The following PDE10A variants were observed in gnomAD, a reference collection of about 807,000 sequenced individuals.
PDE10A encodes the protein phosphodiesterase 10A.
Under a neutral mutation model 97.7 loss-of-function variants are expected in PDE10A, and 39 were observed. The observed-to-expected ratio is 0.40, with a 90% CI of 0.31 to 0.52. The LOEUF (loss-of-function observed/expected upper bound fraction) is 0.52. Among genes scored for constraint, PDE10A ranks in the 20% least tolerant of loss-of-function variants. The pLI is 0.56. For missense variants in PDE10A, 731 were observed against 1,047.8 expected, an observed-to-expected ratio of 0.70 and a Z score of 4.17; for synonymous variants, 371 against 376.8, an observed-to-expected ratio of 0.98 and a Z score of 0.18.
intron 1 of PDE10A, among the ~76,000 whole-genome samples, chr6:165,956,954 G>T (rs905411034): frequency 1.3e-5 from 2 of 152,208 alleles, no homozygotes; most frequent in African/African-American, 4.8e-5. Context: ...CCAGCCCAGG[G>T]GTTGATGGAT....
chr6:165,506,795 T>C (rs549220440), intron 2 of PDE10A, among the ~76,000 whole-genome samples: 3 of 152,296 alleles, frequency 2.0e-5, no homozygotes, highest in African/African-American at 7.2e-5. Flanking sequence ...GCACCAGCTA[T>C]AAATAACACA....
At chr6:165,765,450 C>G (rs1002876202) in intron 1 of PDE10A, among the ~76,000 whole-genome samples, 2 of 152,270 alleles carry the variant, frequency 1.3e-5, no homozygotes, top group Admixed American at 6.5e-5. Flanking sequence ...AGCTAAGGCC[C>G]GGCGAGAAAT....
intron 1 of PDE10A, among the ~76,000 whole-genome samples, chr6:165,720,844 A>T (rs544521917): frequency 6.6e-6 from 1 of 152,312 alleles, no homozygotes; most frequent in South Asian, 2.1e-4. Context: ...TCTCCACTCT[A>T]TGTGGCTCTG....
intron 2 of PDE10A, among the ~76,000 whole-genome samples, chr6:165,537,977 C>A (rs966726436): frequency 6.6e-6 from 1 of 151,882 alleles, no homozygotes; most frequent in African/African-American, 2.4e-5. Flanking sequence ...CCTTCCAACA[C>A]CGAATGTTTT....
At chr6:165,351,362 G>T (rs2128186668) in intron 18 of PDE10A, among the ~76,000 whole-genome samples, 1 of 152,238 alleles carries the variant, frequency 6.6e-6, no homozygotes, top group South Asian at 2.1e-4. Context: ...AGTGTCAGAA[G>T]ATTAGGACTT....
chr6:165,711,465 TG>T lies in PDE10A; in HGVS notation c.-614-167898del, dbSNP rs1448281861. On this transcript the variant is annotated intron_variant, in intron 1 of 19. Transcript: ENST00000366882. The surrounding 1 kb of genome is among the most constrained non-coding windows in gnomAD (Gnocchi z 4.5). ...ACACCCTGCTTCTGGTCTTGTCTGG[TG>T]GACTCTGCGAGTTAGCTGTCTGGAG... Among the ~76,000 whole-genome samples, 2 of 152,182 alleles carry T rather than the reference TG, an allele frequency of 1.3e-5. No homozygotes were observed. Among genetic ancestry groups the T allele is most frequent in the Admixed American group, 1.3e-4 (2 of 15,280 alleles).
chr6:165,367,799 T>TA (rs113551461), intron 18 of PDE10A, among the ~76,000 whole-genome samples: 69,652 of 149,828 alleles, frequency 0.46, 16,913 homozygotes, highest in African/African-American at 0.63. Context: ...ATTCTTAGAT[T>TA]AAAAAAAAAC....
intron 1 of PDE10A, among the ~76,000 whole-genome samples, chr6:165,722,211 A>T (rs892904252): frequency 1.3e-5 from 2 of 152,242 alleles, no homozygotes; most frequent in Non-Finnish European, 2.9e-5. Context: ...GAGATAAACC[A>T]AATACGGTGC....
At chr6:165,495,870 TA>T (rs1487298370) in intron 2 of PDE10A, among the ~76,000 whole-genome samples, 1 of 152,088 alleles carries the variant, frequency 6.6e-6, no homozygotes, top group Non-Finnish European at 1.5e-5. Flanking sequence ...TCTTGGAGAA[TA>T]AAAAAGATAC....
chr6:165,416,647 A>G (rs1321089443), intron 11 of PDE10A, among the ~76,000 whole-genome samples: 1 of 152,184 alleles, frequency 6.6e-6, no homozygotes, highest in African/African-American at 2.4e-5. Flanking sequence ...ACGAAGGCCT[A>G]TATGGGTTCA....
At chr6:165,439,242 A>G (rs577433534) in intron 5 of PDE10A, among the ~76,000 whole-genome samples, 1 of 152,310 alleles carries the variant, frequency 6.6e-6, no homozygotes, top group Non-Finnish European at 1.5e-5. Context: ...TATGTTTACA[A>G]TATCAAATTT....
At chr6:165,670,909 G>T (rs2128436278) in intron 1 of PDE10A, among the ~76,000 whole-genome samples, 1 of 152,338 alleles carries the variant, frequency 6.6e-6, no homozygotes, top group African/African-American at 2.4e-5. Context: ...GAGTCTCACA[G>T]TGTGCAGGAA....
chr6:165,731,097 A>G (rs1434591648), intron 1 of PDE10A, among the ~76,000 whole-genome samples: 1 of 152,196 alleles, frequency 6.6e-6, no homozygotes, highest in East Asian at 1.9e-4. Context: ...CCCACGCCCC[A>G]TGCCGCGCCG....
At chr6:165,702,955 G>A (rs1562693468) in intron 1 of PDE10A, among the ~76,000 whole-genome samples, 1 of 152,230 alleles carries the variant, frequency 6.6e-6, no homozygotes, top group Non-Finnish European at 1.5e-5. Context: ...ACCACAGTGA[G>A]CTCCAGTGAC....
intron 1 of PDE10A, among the ~76,000 whole-genome samples, chr6:165,688,482 G>T (rs1305147658): frequency 2.6e-5 from 4 of 152,218 alleles, no homozygotes. Context: ...CCCTGGACTT[G>T]AAGCCAGAGT....
intron 1 of PDE10A, among the ~76,000 whole-genome samples, chr6:165,811,618 C>T (rs1157922233): frequency 6.6e-6 from 1 of 152,208 alleles, no homozygotes; most frequent in Non-Finnish European, 1.5e-5. Context: ...AGACTCCGGC[C>T]TCCCTGTGAG....
intron 2 of PDE10A, among the ~76,000 whole-genome samples, chr6:165,539,363 C>T (rs1430765803): frequency 6.6e-6 from 1 of 152,170 alleles, no homozygotes; most frequent in African/African-American, 2.4e-5. Flanking sequence ...ATATACATTT[C>T]CCAAAACCTC....
intron 1 of PDE10A, among the ~76,000 whole-genome samples, chr6:165,686,558 T>A (rs979986055): frequency 3.9e-5 from 6 of 152,198 alleles, no homozygotes; most frequent in African/African-American, 1.4e-4. Flanking sequence ...AGGGGCAATG[T>A]TTAAAATCAC....
At chr6:165,979,967 C>G (rs901290870) in intron 1 of PDE10A, among the ~76,000 whole-genome samples, 2 of 152,190 alleles carry the variant, frequency 1.3e-5, no homozygotes, top group South Asian at 4.1e-4. Flanking sequence ...AATGTTTATT[C>G]TACAGCAAAA....
Sources: gnomAD v4.1 joint callset for allele counts (sites outside exome capture counted in the v4.1 genomes callset) on GRCh38, gnomAD v4.1.1 for gene constraint, Gnocchi (gnomAD v3.1) non-coding constraint, MANE v1.5 for transcripts, NCBI Gene and HGNC (gene_info 2026-07-23, HGNC 2026-07-21) for gene names.